The following ZFR variants were observed in gnomAD, a reference collection of about 807,000 sequenced individuals.
ZFR encodes the protein zinc finger RNA-binding protein.
Under a neutral mutation model 130.7 loss-of-function variants are expected in ZFR, and 19 were observed. The observed-to-expected ratio is 0.15, with a 90% CI of 0.10 to 0.21. ZFR has a LOEUF of 0.21. Among genes scored for constraint, ZFR ranks in the 10% least tolerant of loss-of-function variants. The probability of loss-of-function intolerance (pLI) is 1.00; values close to 1 mark genes in which losing one functional copy is unlikely to be tolerated. For missense variants in ZFR, 872 were observed against 1,321.5 expected (o/e 0.66, Z 5.27); for synonymous variants, 466 against 456.9 (o/e 1.02, Z -0.25).
In ZFR at chr5:32,418,234, T is replaced by A. The variant is rs1204300541; in HGVS notation, c.421-442A>T. ...AAGATTGCGCCACTGCACTCCAGCC[T>A]GGGCGACAGAGAGAGATTCTGCCTC... On this transcript the variant is annotated intron_variant, in intron 3 of 19. Coordinates refer to ENST00000265069, the MANE Select transcript of ZFR (RefSeq NM_016107.5). Among the ~76,000 whole-genome samples, 4 of 143,896 alleles carry A rather than the reference T, an allele frequency of 2.8e-5. No individual in the cohort carries two copies. In the Admixed American group the frequency reaches 2.9e-4, roughly 10 times the overall value. 94.4% of individuals were successfully genotyped at this position (143,896 alleles called of 152,430 possible). A position where few individuals can be genotyped will look rare whatever the true frequency, so the allele number is the denominator to read the frequency against.
intron 19 of ZFR, among the ~76,000 whole-genome samples, chr5:32,362,773 A>G (rs1257540801): frequency 2.6e-5 from 4 of 152,218 alleles, no homozygotes; most frequent in Non-Finnish European, 5.9e-5. Context: ...GAACACTTCT[A>G]AATGTTCTCC....
intron 4 of ZFR, among the ~76,000 whole-genome samples, chr5:32,415,524 G>A (rs575997551): frequency 0.015 from 1,110 of 76,062 alleles, 18 homozygotes; most frequent in African/African-American, 0.043. Context: ...GTGCGCGCGC[G>A]CGCGCGCGCA....
intron 2 of ZFR, among the ~76,000 whole-genome samples, chr5:32,436,608 T>C (rs1445597756): frequency 1.3e-5 from 2 of 152,202 alleles, no homozygotes; most frequent in Admixed American, 6.5e-5. Flanking sequence ...ATATGCCAGA[T>C]ACTGTTCTGA....
chr5:32,444,047 G>A (rs1410427834), intron 2 of ZFR, among the ~76,000 whole-genome samples, 182 bp downstream of exon 2: 3 of 141,044 alleles, frequency 2.1e-5, no homozygotes, highest in Admixed American at 1.4e-4. Context: ...GGGCCGGGCC[G>A]GGCCGGGCAA....
chr5:32,410,973 AG>A (rs757585650), intron 5 of ZFR, among the ~76,000 whole-genome samples: 2 of 152,226 alleles, frequency 1.3e-5, no homozygotes, highest in Non-Finnish European at 2.9e-5. Context: ...TTTACATGTA[AG>A]GATGTTCTAC....
rs1753072987 is a variant in ZFR at position 32,387,780 on chromosome 5, G to T, written c.2349-81C>A. 4 of 1,333,032 alleles carry T rather than the reference G, an allele frequency of 3.0e-6. No homozygotes were observed. The Admixed American group carries it at 8.6e-5, about 29-fold the overall frequency. The allele number at this position is 1,333,032 out of a possible 1,614,324, so 82.6% of individuals were successfully genotyped here. A position where few individuals can be genotyped will look rare whatever the true frequency, so the allele number is the denominator to read the frequency against. ...ATTCTGTAAACATACAATAGTAAGT[G>T]AAATAACTTTTGTGCCATTAAAATT... On this transcript the variant is annotated intron_variant, in intron 13 of 19. Coordinates refer to ENST00000265069, the MANE Select transcript of ZFR (RefSeq NM_016107.5).
rs1753273464 is a variant in ZFR at position 32,395,163 on chromosome 5, T to C, written c.1975A>G (p.Met659Val). The C allele has an allele frequency of 1.3e-6, 2 of 1,593,718 alleles. No homozygotes were observed. The highest frequency in any genetic ancestry group is 2.3e-5 in the South Asian group (2 of 87,354). The change falls in exon 11 of 20, where the codon ATG (methionine) becomes GTG (valine). Residue 659 changes from methionine to valine, a missense_variant. Around this residue, in one of 7 missense-constraint regions of ZFR, gnomAD observed 225 missense variants for 282.4 expected, o/e 0.80. Coordinates refer to ENST00000265069, the MANE Select transcript of ZFR (RefSeq NM_016107.5). ...ATTAAAAGTTAAAGATATTACCTCA[T>C]TTCCATTCTCCAACGCTCCTCTTCT... ...REEEERWRME[M>V]RRYEEDMYWR...
In ZFR at chr5:32,428,609, T is replaced by C. The variant is rs545719158; in HGVS notation, c.138-8506A>G. 1.1e-4 allele frequency among the ~76,000 whole-genome samples: 16 copies of C among 152,284 alleles called. No individual in the cohort carries two copies. The East Asian group carries it at 2.7e-3, about 26-fold the overall frequency. On this transcript the variant is annotated intron_variant, in intron 2 of 19. Coordinates refer to ENST00000265069, the MANE Select transcript of ZFR (RefSeq NM_016107.5). ...CAATTATAGTACGTTTAGCAGTTGG[T>C]TGACTTACATCATCCTACAAATACC... is the stretch of plus-strand genomic sequence containing the variant.
intron 11 of ZFR, among the ~76,000 whole-genome samples, chr5:32,391,100 C>A (rs944566858): frequency 2.0e-5 from 3 of 152,140 alleles, no homozygotes; most frequent in South Asian, 2.1e-4. Flanking sequence ...AGAAACAATT[C>A]GTAAGTTTTA....
rs6868162 is a variant in ZFR at position 32,382,662 on chromosome 5, T to C, written c.2642-2490A>G. ...TTCACTCTTGTCGCCCAGGCCAGAG[T>C]GCAATGGCATGATCTCGGCTCACTG... On this transcript the variant is annotated intron_variant, in intron 15 of 19. Coordinates refer to ENST00000265069, the MANE Select transcript of ZFR (RefSeq NM_016107.5). 9.7e-3 allele frequency among the ~76,000 whole-genome samples: 1,483 copies of C among 152,168 alleles called. 8 individuals carry two copies. The highest frequency in any genetic ancestry group is 0.014 in the Non-Finnish European group (944 of 68,016).
intron 16 of ZFR, chr5:32,379,440 T>C (rs1005308639): frequency 3.9e-6 from 2 of 509,418 alleles, no homozygotes; most frequent in Non-Finnish European, 7.1e-6. Flanking sequence ...AAGAATAATA[T>C]TTCTTGATCC....
At chr5:32,421,418 A>G (rs1370416704) in intron 2 of ZFR, among the ~76,000 whole-genome samples, 2 of 152,234 alleles carry the variant, frequency 1.3e-5, no homozygotes, top group Non-Finnish European at 2.9e-5. Context: ...GAAATATAGT[A>G]TAGAATTAAA....
chr5:32,434,456 T>G (rs1428353697), intron 2 of ZFR, among the ~76,000 whole-genome samples: 1 of 152,220 alleles, frequency 6.6e-6, no homozygotes. Context: ...CATTCTCAAC[T>G]GTGTTGAAGG....
intron 2 of ZFR, among the ~76,000 whole-genome samples, chr5:32,442,640 T>A (rs1244483285): frequency 2.0e-5 from 3 of 152,226 alleles, no homozygotes; most frequent in Admixed American, 2.0e-4. Context: ...ATTAGTAAAA[T>A]CTAGTTTCAC....
Position 32,364,175 on chromosome 5 carries a change from A to C in ZFR, c.2936T>G (p.Ile979Ser). The C allele has an allele frequency of 1.2e-6, 2 of 1,610,888 alleles. No homozygotes were observed. The highest frequency in any genetic ancestry group is 1.7e-6 in the Non-Finnish European group (2 of 1,177,480). Residue 979 changes from isoleucine (I) to serine (S), a missense_variant, in exon 18 of 20, where the codon ATT becomes AGT. Physicochemically the swap from Ile to Ser is moderately radical, Grantham distance 142 (BLOSUM62 -2). Around this residue, in one of 7 missense-constraint regions of ZFR, gnomAD observed 158 missense variants for 264.0 expected, o/e 0.60. Coordinates refer to ENST00000265069, the MANE Select transcript of ZFR (RefSeq NM_016107.5). ...RRVFECISSG[I>S]ILKGSPGLLD... ...AAAGTAAGAGTTACCTTTAAGAATA[A>C]TCCCTGAAGAAATGCATTCAAAAAC...
chr5:32,431,020 A>G (rs186164042), intron 2 of ZFR, among the ~76,000 whole-genome samples: 30 of 152,258 alleles, frequency 2.0e-4, no homozygotes, highest in Admixed American at 3.9e-4. Flanking sequence ...AGGTGCAGTG[A>G]GCTGAAATTG....
intron 15 of ZFR, among the ~76,000 whole-genome samples, chr5:32,382,886 T>C (rs1452094563): frequency 6.6e-6 from 1 of 152,164 alleles, no homozygotes; most frequent in Non-Finnish European, 1.5e-5. Context: ...ACCCCTTATA[T>C]TCTGCTAAAA....
chr5:32,386,139 G>A (rs567766596), intron 14 of ZFR, among the ~76,000 whole-genome samples: 1 of 152,070 alleles, frequency 6.6e-6, no homozygotes, highest in African/African-American at 2.4e-5. Context: ...CATTTTATAC[G>A]AACAAATGAA....
At chr5:32,388,809 A>G in intron 12 of ZFR, 135 bp from the exon 13 acceptor site, 1 of 835,278 alleles carries the variant, frequency 1.2e-6, no homozygotes, top group Non-Finnish European at 1.8e-6. Flanking sequence ...TTCAGTAAAA[A>G]CGAAAATGCA....
Sources: gnomAD v4.1 joint callset for allele counts (sites outside exome capture counted in the v4.1 genomes callset) on GRCh38, gnomAD v4.1.1 for gene constraint, gnomAD v4.1.1 regional missense constraint, MANE v1.5 for transcripts, NCBI Gene and HGNC (gene_info 2026-07-23, HGNC 2026-07-21) for gene names.